MAGI2: variants seen among roughly 807,000 people sequenced by gnomAD.
MAGI2 encodes the protein membrane associated guanylate kinase, WW and PDZ domain containing 2.
A neutral mutation model predicts 133.3 loss-of-function variants in MAGI2; 35 were observed. The observed-to-expected ratio is 0.26, with a 90% CI of 0.20 to 0.35. The LOEUF is 0.35. Ranked by LOEUF, MAGI2 falls within the 10% of genes least tolerant of loss-of-function variation. MAGI2 has a pLI of 1.00. For missense variants in MAGI2, 1,636 were observed against 1,863.4 expected (o/e 0.88, Z 2.25); for synonymous variants, 729 against 710.6 (o/e 1.03, Z -0.41).
chr7:79,390,400 C>CA (rs983321760), intron 1 of MAGI2, among the ~76,000 whole-genome samples: 1 of 151,702 alleles, frequency 6.6e-6, no homozygotes, highest in African/African-American at 2.4e-5. Context: ...CTGAACATTT[C>CA]AAAAAAAGAG....
chr7:78,923,511 C>T (rs945371558), intron 2 of MAGI2, among the ~76,000 whole-genome samples: 65 of 152,124 alleles, frequency 4.3e-4, no homozygotes, highest in African/African-American at 1.4e-3. Context: ...TGTAGATAAG[C>T]GGCGTTATTT....
chr7:79,011,359 A>G (rs1417575637), intron 1 of MAGI2, among the ~76,000 whole-genome samples: 2 of 152,156 alleles, frequency 1.3e-5, no homozygotes, highest in Non-Finnish European at 2.9e-5. Flanking sequence ...TATATTCCTT[A>G]AGGCAATTTG....
intron 9 of MAGI2, among the ~76,000 whole-genome samples, chr7:78,282,705 A>G (rs568739298): frequency 1.9e-4 from 29 of 152,272 alleles, no homozygotes; most frequent in African/African-American, 6.3e-4. Flanking sequence ...TGGCCTAAAT[A>G]TAATTCTGAA....
At chr7:79,378,950 ATATATATATATATATATATATTAAACTTT>A (rs1563168334) in intron 1 of MAGI2, among the ~76,000 whole-genome samples, 1 of 70,898 alleles carries the variant, frequency 1.4e-5, no homozygotes, top group Non-Finnish European at 2.8e-5. Context: ...ATATATATAT[ATATATATATATATATATATATTAAACTTT>A]AAGTTCTAGG....
At chr7:79,345,402 G>A (rs1378914656) in intron 1 of MAGI2, among the ~76,000 whole-genome samples, 4 of 151,982 alleles carry the variant, frequency 2.6e-5, no homozygotes, top group African/African-American at 9.7e-5. Flanking sequence ...CTGACAGTTT[G>A]ATCTTGAAAT....
rs57312292 is a variant in MAGI2 at position 78,976,713 on chromosome 7, C to CA, written c.418+30376dup. Among the ~76,000 whole-genome samples, 350 of 147,020 alleles carry CA rather than the reference C, an allele frequency of 2.4e-3. 3 individuals carry two copies. The South Asian group carries it at 0.025, about 11-fold the overall frequency. ...AAATGTAGAAACACCAAAAAAACTA[C>CA]AAAAAAAAAACAAAAACAAAATAAA... On this transcript the variant is annotated intron_variant, in intron 2 of 21. Transcript: ENST00000354212.
At chr7:78,801,380 G>A (rs1234591698) in intron 2 of MAGI2, among the ~76,000 whole-genome samples, 2 of 152,114 alleles carry the variant, frequency 1.3e-5, no homozygotes, top group Non-Finnish European at 2.9e-5. Context: ...TCAGAATTGT[G>A]CTTAAAACTA....
chr7:78,695,441 A>ATTCCTCCT (rs1473964333), intron 2 of MAGI2, among the ~76,000 whole-genome samples: 1 of 152,132 alleles, frequency 6.6e-6, no homozygotes, highest in African/African-American at 2.4e-5. Context: ...GAGCAAGTGT[A>ATTCCTCCT]TTCCTCCTTT....
chr7:79,391,562 T>TATATATAG lies in MAGI2; in HGVS notation c.301+61457_301+61458insCTATATAT, dbSNP rs1421027683. Among the ~76,000 whole-genome samples the TATATATAG allele has an allele frequency of 5.9e-5, 4 of 68,352 alleles. 1 individual carries two copies. In the East Asian group the frequency reaches 1.5e-3, roughly 26 times the overall value. 44.8% of individuals were successfully genotyped at this position (68,352 alleles called of 152,430 possible). A position where few individuals can be genotyped will look rare whatever the true frequency, so the allele number is the denominator to read the frequency against. On this transcript the variant is annotated intron_variant, in intron 1 of 21. Transcript: ENST00000354212. Reference sequence around the variant, plus strand: ...AGACATATATATATATATATATATATACACACTTTACTGTAAGTTCCAGGC... The same window carrying TATATATAG: ...AGACATATATATATATATATATATATATATATAGACACACTTTACTGTAAGTTCCAGGC...
intron 2 of MAGI2, among the ~76,000 whole-genome samples, chr7:78,908,805 T>C (rs950982129): frequency 6.6e-6 from 1 of 152,168 alleles, no homozygotes; most frequent in African/African-American, 2.4e-5. Context: ...TGCTAGAACA[T>C]ATATGTAGAT....
intron 6 of MAGI2, among the ~76,000 whole-genome samples, chr7:78,451,529 C>CTT (rs1408213440): frequency 2.0e-5 from 3 of 152,000 alleles, no homozygotes; most frequent in Non-Finnish European, 2.9e-5. Context: ...AGACCAGAGG[C>CTT]TGGTGCCTGC....
intron 3 of MAGI2, among the ~76,000 whole-genome samples, chr7:78,558,203 T>G (rs117190356): frequency 6.6e-6 from 1 of 152,284 alleles, no homozygotes; most frequent in Non-Finnish European, 1.5e-5. Context: ...TTTAATATAT[T>G]TATGTATTCC....
At chr7:79,225,668 A>T (rs773242202) in intron 1 of MAGI2, among the ~76,000 whole-genome samples, 2 of 152,162 alleles carry the variant, frequency 1.3e-5, no homozygotes, top group Admixed American at 6.5e-5. Flanking sequence ...TTTTGAGCAA[A>T]TTTTTAAAAT....
chr7:78,122,822 A>C (rs1820595881), intron 20 of MAGI2, among the ~76,000 whole-genome samples: 1 of 152,026 alleles, frequency 6.6e-6, no homozygotes, highest in South Asian at 2.1e-4. Flanking sequence ...GAGCTTTGCC[A>C]ATATTATTTT....
chr7:78,070,385 C>T (rs1426006084), intron 21 of MAGI2, among the ~76,000 whole-genome samples: 2 of 147,934 alleles, frequency 1.4e-5, no homozygotes, highest in East Asian at 3.9e-4. Flanking sequence ...TTTATTATTG[C>T]AGCAAGCCAC....
intron 2 of MAGI2, among the ~76,000 whole-genome samples, chr7:78,941,168 G>C (rs1800934771): frequency 1.3e-5 from 2 of 152,164 alleles, no homozygotes; most frequent in South Asian, 4.2e-4. Context: ...CATTTTGGTA[G>C]GTAGCTTCCC....
intron 1 of MAGI2, among the ~76,000 whole-genome samples, chr7:79,167,783 C>T (rs1296349373): frequency 1.3e-5 from 2 of 151,936 alleles, no homozygotes; most frequent in Non-Finnish European, 2.9e-5. Flanking sequence ...GGGAACAGTC[C>T]CCCCAAAATC....
At chr7:78,819,698 T>A (rs887534142) in intron 2 of MAGI2, among the ~76,000 whole-genome samples, 1 of 152,034 alleles carries the variant, frequency 6.6e-6, no homozygotes, top group Non-Finnish European at 1.5e-5. Flanking sequence ...TTTTCATACA[T>A]AAATGATCTA....
At chr7:78,024,122 A>G (rs1274167098) in intron 21 of MAGI2, among the ~76,000 whole-genome samples, 2 of 152,200 alleles carry the variant, frequency 1.3e-5, no homozygotes, top group Non-Finnish European at 2.9e-5. Flanking sequence ...GACTACTTCC[A>G]TTAACAAACT....
Sources: allele counts gnomAD v4.1 joint callset (sites outside exome capture counted in the v4.1 genomes callset), GRCh38; gene constraint gnomAD v4.1.1; transcripts MANE v1.5; gene names NCBI Gene and HGNC (gene_info 2026-07-23, HGNC 2026-07-21).